Variants in AQP9 observed in about 807,000 individuals in gnomAD.
The protein encoded by AQP9 is aquaporin-9.
AQP9 carries 19 observed loss-of-function variants against 23.8 expected under a neutral mutation model. That is an observed-to-expected ratio of 0.80 (90% CI 0.56 to 1.17). AQP9 has a LOEUF of 1.17. Among genes scored for constraint, AQP9 ranks in the 50% most tolerant of loss-of-function variants. The pLI is 0.00. For missense variants in AQP9, 413 were observed against 362.0 expected (o/e 1.14, Z -1.14); for synonymous variants, 153 against 131.5 (o/e 1.16, Z -1.12).
At chr15:58,148,140 C>T (rs1430034317) in intron 1 of AQP9, among the ~76,000 whole-genome samples, 1 of 152,142 alleles carries the variant, frequency 6.6e-6, no homozygotes, top group African/African-American at 2.4e-5. Flanking sequence ...TATGTCTTTT[C>T]AAAGCATTTT....
chr15:58,178,999 C>G, intron 4 of AQP9, 129 bp from the exon 5 acceptor site: 2 of 649,016 alleles, frequency 3.1e-6, no homozygotes, highest in Non-Finnish European at 5.2e-6. Flanking sequence ...CCAGTTATTA[C>G]TAGGCATATT....
intron 1 of AQP9, chr15:58,151,128 C>T (rs1165392773): frequency 6.6e-6 from 1 of 151,980 alleles, no homozygotes; most frequent in Non-Finnish European, 1.5e-5. Flanking sequence ...CCCTATTATG[C>T]CTAGAAGGTA....
chr15:58,171,779 C>T (rs547619058), intron 2 of AQP9, among the ~76,000 whole-genome samples: 44 of 152,242 alleles, frequency 2.9e-4, no homozygotes, highest in African/African-American at 9.9e-4. Flanking sequence ...ATAGCTTTCT[C>T]CACAGGGAGT....
At chr15:58,142,799 T>C (rs547991237) in intron 1 of AQP9, among the ~76,000 whole-genome samples, 5 of 152,194 alleles carry the variant, frequency 3.3e-5, no homozygotes, top group Non-Finnish European at 7.3e-5. Context: ...TCTAGCTTGC[T>C]ATTTTACAAA....
rs1898510176 is a variant in AQP9 at position 58,166,619 on chromosome 15, T to G, written c.112-54T>G. 3 of 1,541,144 alleles carry G rather than the reference T, an allele frequency of 1.9e-6. No homozygotes were observed. In the Admixed American group the frequency reaches 6.4e-5, roughly 33 times the overall value. On this transcript the variant is annotated intron_variant, in intron 1 of 5. Transcript: ENST00000219919. ...AATACTTGCTACTGTGAGTTTCCAT[T>G]ACTTTTGACAGTAGCCATCCCCACT... is the stretch of plus-strand genomic sequence containing the variant.
chr15:58,145,656 G>A (rs768805941), intron 1 of AQP9, among the ~76,000 whole-genome samples: 16 of 151,954 alleles, frequency 1.1e-4, no homozygotes, highest in Admixed American at 2.0e-4. Context: ...TATTATTGTT[G>A]TTACTGGTGT....
intron 2 of AQP9, among the ~76,000 whole-genome samples, chr15:58,171,247 C>T (rs972529001): frequency 6.6e-6 from 1 of 152,096 alleles, no homozygotes; most frequent in Non-Finnish European, 1.5e-5. Flanking sequence ...GCCACCACGC[C>T]CAGCTAATTT....
chr15:58,156,333 T>A (rs1333909727), intron 1 of AQP9, among the ~76,000 whole-genome samples: 2 of 152,220 alleles, frequency 1.3e-5, no homozygotes, highest in Non-Finnish European at 2.9e-5. Flanking sequence ...AATTGTTTAA[T>A]CATATATAGT....
At chr15:58,154,838 C>T (rs1420969171) in intron 1 of AQP9, 2 of 152,432 alleles carry the variant, frequency 1.3e-5, no homozygotes, top group Admixed American at 6.5e-5. Flanking sequence ...GAAGAAAAAC[C>T]TGCAAACCCT....
rs140884922 is a variant in AQP9 at position 58,171,350 on chromosome 15, G to T, written c.239-1718G>T. ...GATCCACCCAACTCAGCCTCCCAAAGTGCTGGGATTACAGGCATGAGCCAC... is the reference window on the plus strand; with the variant it reads ...GATCCACCCAACTCAGCCTCCCAAATTGCTGGGATTACAGGCATGAGCCAC... On this transcript the variant is annotated intron_variant, in intron 2 of 5. Transcript: ENST00000219919. 3.9e-3 allele frequency among the ~76,000 whole-genome samples: 595 copies of T among 152,188 alleles called. 3 individuals are homozygous for T. Among genetic ancestry groups the T allele is most frequent in the African/African-American group, 0.014 (577 of 41,520 alleles).
intron 1 of AQP9, chr15:58,150,252 C>G (rs1206495234): frequency 3.3e-5 from 5 of 152,680 alleles, no homozygotes; most frequent in African/African-American, 7.2e-5. Flanking sequence ...GAGCTCACCA[C>G]AGCCTGATGG....
chr15:58,179,976 G>C (rs1898846530), intron 5 of AQP9, among the ~76,000 whole-genome samples: 1 of 152,216 alleles, frequency 6.6e-6, no homozygotes, highest in Admixed American at 6.5e-5. Context: ...TGGTTCTGGA[G>C]ATATGAGTAA....
chr15:58,146,541 C>G (rs1898048094), intron 1 of AQP9, among the ~76,000 whole-genome samples: 1 of 152,000 alleles, frequency 6.6e-6, no homozygotes, highest in Admixed American at 6.6e-5. Flanking sequence ...TATTTTAAAC[C>G]TGTTCTGTCG....
rs767673037 is a variant in AQP9 at position 58,174,977 on chromosome 15, C to A, written c.436C>A (p.His146Asn). The A allele has an allele frequency of 6.2e-7, 1 of 1,614,212 alleles. No homozygotes were observed. The highest frequency in any genetic ancestry group is 1.1e-5 in the South Asian group (1 of 91,090). The change falls in exon 4 of 6, where the codon CAC becomes AAC. Residue 146 changes from histidine to asparagine, a missense_variant. Coordinates refer to ENST00000219919, the MANE Select transcript of AQP9 (RefSeq NM_020980.5). ...LLIVGENATA[H>N]IFATYPAPYL... The stretch of plus-strand genomic sequence containing the variant: ...GATCGTGGGAGAAAATGCAACAGCA[C>A]ACATTTTTGCAACATACCCAGCTCC...
chr15:58,151,118 C>T (rs1898140797), intron 1 of AQP9: 1 of 152,098 alleles, frequency 6.6e-6, no homozygotes, highest in South Asian at 2.1e-4. Context: ...TTAACATCAT[C>T]CCTATTATGC....
At chr15:58,179,376 A>G in intron 5 of AQP9, 31 bp downstream of exon 5, 1 of 1,579,806 alleles carries the variant, frequency 6.3e-7, no homozygotes, top group Non-Finnish European at 8.6e-7. Flanking sequence ...AGAGAGAGAC[A>G]GAGTCATGCT....
Position 58,183,946 on chromosome 15 carries a change from C to A in AQP9, c.714-15C>A, listed in dbSNP as rs1442551325. 3.1e-6 allele frequency: 5 copies of A among 1,613,236 alleles called. No individual in the cohort carries two copies. The highest frequency in any genetic ancestry group is 3.4e-6 in the Non-Finnish European group (4 of 1,179,418). ...AGGCCAAGAAATGTATCACTAATTT[C>A]TTGTTTGATTTCAGAGCTGGAAACA... is the stretch of plus-strand genomic sequence containing the variant. On this transcript the variant is annotated splice_polypyrimidine_tract_variant and intron_variant, in intron 5 of 5. Coordinates refer to ENST00000219919, the MANE Select transcript of AQP9 (RefSeq NM_020980.5).
rs183951147 is a variant in AQP9, at chr15:58,158,954, C to T, written c.112-7719C>T. On this transcript the variant is annotated intron_variant, in intron 1 of 5. Coordinates refer to ENST00000219919, the MANE Select transcript of AQP9 (RefSeq NM_020980.5). Reference sequence around the variant, plus strand: ...AAGGGCTCAGTTCTTACATACTCACCGAACAAATATTTATTGAGTGTCTGT... The same window carrying T: ...AAGGGCTCAGTTCTTACATACTCACTGAACAAATATTTATTGAGTGTCTGT... 1.4e-3 allele frequency among the ~76,000 whole-genome samples: 214 copies of T among 152,218 alleles called. 2 individuals carry two copies. The highest frequency in any genetic ancestry group is 0.014 in the Middle Eastern group (4 of 294).
intron 5 of AQP9, among the ~76,000 whole-genome samples, chr15:58,182,094 G>A (rs1231486757): frequency 1.3e-5 from 2 of 152,172 alleles, no homozygotes; most frequent in Non-Finnish European, 2.9e-5. Context: ...AGGGTTTGAT[G>A]AGGGCAAGAG....
Sources: allele counts gnomAD v4.1 joint callset (sites outside exome capture counted in the v4.1 genomes callset), GRCh38; gene constraint gnomAD v4.1.1; transcripts MANE v1.5; gene names NCBI Gene and HGNC (gene_info 2026-07-23, HGNC 2026-07-21).